SKAP1: variants seen among roughly 807,000 people sequenced by gnomAD.
SKAP1 encodes the protein src kinase associated phosphoprotein 1.
A neutral mutation model predicts 58.5 loss-of-function variants in SKAP1; 44 were observed. The ratio of observed to expected loss-of-function variants is 0.75; its 90% CI spans 0.59 to 0.97. The LOEUF is 0.97. SKAP1 is among the 50% of genes least tolerant of loss of function. SKAP1 has a pLI of 0.00. For synonymous variants in SKAP1, 127 were observed against 149.7 expected, an observed-to-expected ratio of 0.85 and a Z score of 1.11; for missense variants, 390 against 435.2, an observed-to-expected ratio of 0.90 and a Z score of 0.92.
chr17:48,143,049 T>C (rs2063787643), intron 11 of SKAP1, among the ~76,000 whole-genome samples: 1 of 151,006 alleles, frequency 6.6e-6, no homozygotes, highest in Admixed American at 6.6e-5. Flanking sequence ...ACTCCTGGGT[T>C]CAAGCAATCC....
chr17:48,400,787 G>A (rs2067490285), intron 1 of SKAP1, among the ~76,000 whole-genome samples: 1 of 151,696 alleles, frequency 6.6e-6, no homozygotes, highest in East Asian at 1.9e-4. Flanking sequence ...AATAAAGCAG[G>A]TAAAAGAATT....
chr17:48,375,122 T>G (rs1379844514), intron 2 of SKAP1, among the ~76,000 whole-genome samples: 1 of 152,218 alleles, frequency 6.6e-6, no homozygotes, highest in Non-Finnish European at 1.5e-5. Flanking sequence ...CTCAATTATG[T>G]AATAGAAGAA....
At chr17:48,339,983 C>A (rs2066627468) in intron 4 of SKAP1, among the ~76,000 whole-genome samples, 1 of 152,002 alleles carries the variant, frequency 6.6e-6, no homozygotes, top group Non-Finnish European at 1.5e-5. Context: ...GAGTTCGAGA[C>A]CAGCCTGACC....
At chr17:48,299,679 T>C (rs571041095) in intron 4 of SKAP1, among the ~76,000 whole-genome samples, 66 of 152,296 alleles carry the variant, frequency 4.3e-4, no homozygotes, top group Non-Finnish European at 5.9e-4. Context: ...CCCACAATCC[T>C]TTGGAGATGC....
At chr17:48,398,091 CCT>C (rs2067444586) in intron 1 of SKAP1, among the ~76,000 whole-genome samples, 1 of 115,208 alleles carries the variant, frequency 8.7e-6, no homozygotes, top group African/African-American at 3.4e-5. Context: ...CACACAGGAA[CCT>C]TTATTTCCTC....
chr17:48,170,660 C>T lies in SKAP1; in HGVS notation c.827-1G>A. On this transcript the variant is annotated splice_acceptor_variant, in intron 9 of 12. Transcript: ENST00000336915. LOFTEE classifies it high-confidence loss of function. ...TCCTCTTCTAGATCATGCTCTTCAT[C>T]TGGGGGGATAAATGATCAGTATTAG... is the stretch of plus-strand genomic sequence containing the variant. 2 of 1,612,752 alleles carry T rather than the reference C, an allele frequency of 1.2e-6. No homozygotes were observed. The highest frequency in any genetic ancestry group is 1.7e-6 in the Non-Finnish European group (2 of 1,179,396).
At chr17:48,319,763 G>T (rs1337328747) in intron 4 of SKAP1, among the ~76,000 whole-genome samples, 3 of 152,256 alleles carry the variant, frequency 2.0e-5, no homozygotes, top group African/African-American at 4.8e-5. Context: ...GATCACCTGA[G>T]CCTGGGAGGT....
At chr17:48,172,519 T>C (rs2064230934) in intron 9 of SKAP1, among the ~76,000 whole-genome samples, 1 of 152,206 alleles carries the variant, frequency 6.6e-6, no homozygotes, top group Non-Finnish European at 1.5e-5. Flanking sequence ...GTTATTCTTT[T>C]CACTACCACC....
At chr17:48,421,392 C>T (rs2067792058) in intron 1 of SKAP1, among the ~76,000 whole-genome samples, 1 of 151,322 alleles carries the variant, frequency 6.6e-6, no homozygotes, top group African/African-American at 2.4e-5. Flanking sequence ...CAACCTCTGC[C>T]TCCCAGGTTC....
chr17:48,280,608 C>G (rs1320299316), intron 4 of SKAP1, among the ~76,000 whole-genome samples: 1 of 152,124 alleles, frequency 6.6e-6, no homozygotes, highest in African/African-American at 2.4e-5. Flanking sequence ...ATAACCACTA[C>G]CAAATCAAGA....
At chr17:48,401,028 G>A (rs947888607) in intron 1 of SKAP1, among the ~76,000 whole-genome samples, 5 of 152,080 alleles carry the variant, frequency 3.3e-5, no homozygotes, top group African/African-American at 7.2e-5. Context: ...GACAATGGCC[G>A]GGCGTGTTGG....
At chr17:48,419,485 G>A (rs761682886) in intron 1 of SKAP1, among the ~76,000 whole-genome samples, 10 of 152,112 alleles carry the variant, frequency 6.6e-5, no homozygotes, top group Non-Finnish European at 1.2e-4. Context: ...GTTTCACCAT[G>A]TTGGTCAGGC....
At chr17:48,294,494 T>C (rs530021851) in intron 4 of SKAP1, 2 of 152,174 alleles carry the variant, frequency 1.3e-5, no homozygotes, top group East Asian at 3.9e-4. Flanking sequence ...GGAGAAAGGG[T>C]CCACACATCC....
At chr17:48,436,843 C>A in the SKAP1 span, among the ~76,000 whole-genome samples, 1 of 152,204 alleles carries the variant, frequency 6.6e-6, no homozygotes, top group Non-Finnish European at 1.5e-5. Flanking sequence ...TCTCCACTCT[C>A]CTTTGTCTTC....
At chr17:48,434,269 G>A (rs891537316), upstream of SKAP1, among the ~76,000 whole-genome samples, 22 of 152,164 alleles carry the variant, frequency 1.4e-4, no homozygotes, top group African/African-American at 3.4e-4. Flanking sequence ...GCATCCTGTC[G>A]GTGCCAAGAA....
intron 4 of SKAP1, among the ~76,000 whole-genome samples, chr17:48,337,689 C>A (rs1249309543): frequency 6.6e-6 from 1 of 152,110 alleles, no homozygotes; most frequent in Non-Finnish European, 1.5e-5. Context: ...TTTTGAAATT[C>A]TTTATAAACT....
At chr17:48,136,960 T>C (rs1480139479) in intron 12 of SKAP1, 4 of 298,458 alleles carry the variant, frequency 1.3e-5, no homozygotes, top group Non-Finnish European at 2.6e-5. Context: ...TGAGCCACTG[T>C]GCCTGGCTTT....
At position 48,133,609 on chromosome 17, in the gene SKAP1, C is replaced by G. The variant is rs1567785394; in HGVS notation, c.*215G>C. On this transcript the variant is annotated 3_prime_UTR_variant, in exon 13 of 13. Coordinates refer to ENST00000336915, the MANE Select transcript of SKAP1 (RefSeq NM_003726.4). ...ATTTAGAGATGGGGATGAGCTATGA[C>G]TAGGCTGGTTTAGTAACAGGTTTGA... 1 of 152,278 alleles carries G rather than the reference C, an allele frequency of 6.6e-6. No homozygotes were observed. The highest frequency in any genetic ancestry group is 1.5e-5 in the Non-Finnish European group (1 of 68,038). 9.4% of individuals were successfully genotyped at this position (152,278 alleles called of 1,614,324 possible). A position where few individuals can be genotyped will look rare whatever the true frequency, so the allele number is the denominator to read the frequency against.
intron 3 of SKAP1, among the ~76,000 whole-genome samples, chr17:48,354,062 T>G (rs1598605538): frequency 6.6e-6 from 1 of 152,056 alleles, no homozygotes; most frequent in South Asian, 2.1e-4. Context: ...AAATAATACA[T>G]AGTAAAGAAT....
Sources: gnomAD v4.1 joint callset for allele counts (sites outside exome capture counted in the v4.1 genomes callset) on GRCh38, gnomAD v4.1.1 for gene constraint, MANE v1.5 for transcripts, NCBI Gene and HGNC (gene_info 2026-07-23, HGNC 2026-07-21) for gene names.